EGFLAM: variants seen among roughly 807,000 people sequenced by gnomAD.
EGFLAM encodes pikachurin.
In EGFLAM, 79 loss-of-function variants were observed where a neutral mutation model predicts 113.1. That is an observed-to-expected ratio of 0.70 (90% CI 0.58 to 0.84). The LOEUF (loss-of-function observed/expected upper bound fraction) is 0.84. EGFLAM is among the 40% of genes least tolerant of loss of function. The pLI is 0.00. For synonymous variants in EGFLAM, 504 were observed against 487.6 expected, an observed-to-expected ratio of 1.03 and a Z score of -0.44; for missense variants, 1,265 against 1,291.6, an observed-to-expected ratio of 0.98 and a Z score of 0.32.
chr5:38,463,842 G>A lies in EGFLAM; in HGVS notation c.2886G>A (p.Lys962=). ...INGALYVGGM[K]EIALHTNRQY... is the part of the protein sequence containing the mutation. ...CTTGCTTCCTGGCAGGTGGAATGAA[G>A]GAAATTGCTCTGCACACTAACAGGC... The change falls in exon 22 of 22, where the codon AAG becomes AAA. Residue 962 remains lysine, a synonymous_variant. Coordinates refer to ENST00000322350, the MANE Select transcript of EGFLAM (RefSeq NM_152403.4). The A allele has an allele frequency of 6.2e-7, 1 of 1,613,230 alleles. No individual in the cohort carries two copies. The highest frequency in any genetic ancestry group is 8.5e-7 in the Non-Finnish European group (1 of 1,179,558).
rs1459759786 is a variant in EGFLAM at position 38,407,722 on chromosome 5, T to C, written c.1148-83T>C. 6 of 1,007,764 alleles carry C rather than the reference T, an allele frequency of 6.0e-6. No individual in the cohort carries two copies. The East Asian group carries it at 1.4e-4, about 24-fold the overall frequency. The allele number at this position is 1,007,764 out of a possible 1,614,324, so 62.4% of individuals were successfully genotyped here. A position where few individuals can be genotyped will look rare whatever the true frequency, so the allele number is the denominator to read the frequency against. On this transcript the variant is annotated intron_variant, in intron 8 of 21. Coordinates refer to ENST00000322350, the MANE Select transcript of EGFLAM (RefSeq NM_152403.4). ...TAGTGAGGGTTCTCACTTAATGATA[T>C]TCAGGCAACGTTGTATATTGATTTT...
chr5:38,344,206 C>T (rs1010009377), intron 3 of EGFLAM, among the ~76,000 whole-genome samples: 4 of 152,250 alleles, frequency 2.6e-5, no homozygotes, highest in African/African-American at 7.2e-5. Context: ...AATAGTCTTG[C>T]TGGGCACGGT....
intron 1 of EGFLAM, 31 bp downstream of exon 1, chr5:38,258,882 G>A (rs564442111): frequency 1.3e-6 from 2 of 1,591,748 alleles, no homozygotes; most frequent in Non-Finnish European, 8.6e-7. Context: ...GAGCCACCAC[G>A]CCCCGAGCGC....
intron 6 of EGFLAM, among the ~76,000 whole-genome samples, chr5:38,384,671 A>G (rs1210631752): frequency 6.6e-6 from 1 of 152,164 alleles, no homozygotes; most frequent in African/African-American, 2.4e-5. Context: ...AGAGTGGCCC[A>G]TAGGGACCTG....
intron 6 of EGFLAM, among the ~76,000 whole-genome samples, chr5:38,379,940 T>G (rs116700138): frequency 0.031 from 4,744 of 152,278 alleles, 229 homozygotes; most frequent in African/African-American, 0.11. Context: ...TCAGCAAATT[T>G]TTCTATAAAG....
At chr5:38,332,260 T>G (rs145212196) in intron 1 of EGFLAM, among the ~76,000 whole-genome samples, 2 of 152,190 alleles carry the variant, frequency 1.3e-5, no homozygotes, top group African/African-American at 4.8e-5. Flanking sequence ...TCTTGGTCCA[T>G]CTTTCTTTTT....
At chr5:38,445,456 G>C in intron 17 of EGFLAM, 1 of 1,415,774 alleles carries the variant, frequency 7.1e-7, no homozygotes, top group South Asian at 1.5e-5. Context: ...GAAGAGGTGA[G>C]GAGGCGGGTG....
At chr5:38,412,775 C>G in intron 11 of EGFLAM, 127 bp downstream of exon 11, 1 of 1,380,622 alleles carries the variant, frequency 7.2e-7, no homozygotes, top group Non-Finnish European at 9.6e-7. Flanking sequence ...TTGGTAAGGC[C>G]TATTTCTCAT....
intron 19 of EGFLAM, among the ~76,000 whole-genome samples, chr5:38,453,438 G>A (rs1742985802): frequency 6.6e-6 from 1 of 152,162 alleles, no homozygotes. Flanking sequence ...TTGAATAAAA[G>A]GCATTTTGAG....
At chr5:38,393,140 A>G (rs1240916750) in intron 6 of EGFLAM, among the ~76,000 whole-genome samples, 2 of 152,218 alleles carry the variant, frequency 1.3e-5, no homozygotes, top group Admixed American at 1.3e-4. Flanking sequence ...AAATGAAAAT[A>G]TATTGAATTT....
intron 1 of EGFLAM, among the ~76,000 whole-genome samples, chr5:38,267,917 T>C (rs1348611130): frequency 6.6e-6 from 1 of 152,198 alleles, no homozygotes; most frequent in Non-Finnish European, 1.5e-5. Flanking sequence ...TGAAAATATG[T>C]GATTAACTAG....
At chr5:38,369,063 T>C (rs1740140253) in intron 5 of EGFLAM, among the ~76,000 whole-genome samples, 2 of 152,188 alleles carry the variant, frequency 1.3e-5, no homozygotes, top group Admixed American at 1.3e-4. Context: ...TTTTATCTTG[T>C]AGTTCTTATT....
At chr5:38,402,568 C>A (rs1741149778) in intron 6 of EGFLAM, among the ~76,000 whole-genome samples, 1 of 152,180 alleles carries the variant, frequency 6.6e-6, no homozygotes, top group South Asian at 2.1e-4. Flanking sequence ...ACCAGACAGA[C>A]CTTGGATTTG....
chr5:38,357,718 C>G (rs1030173683), intron 5 of EGFLAM, among the ~76,000 whole-genome samples: 4 of 152,144 alleles, frequency 2.6e-5, no homozygotes, highest in Admixed American at 2.6e-4. Context: ...ATGTGAAGTT[C>G]TTGTCTACAT....
chr5:38,385,869 C>G (rs1003404551), intron 6 of EGFLAM, among the ~76,000 whole-genome samples: 1 of 152,160 alleles, frequency 6.6e-6, no homozygotes, highest in Admixed American at 6.5e-5. Flanking sequence ...CCTTGTTGTG[C>G]GAACATCCTA....
intron 11 of EGFLAM, among the ~76,000 whole-genome samples, chr5:38,413,606 G>A (rs1214766649): frequency 6.6e-6 from 1 of 152,172 alleles, no homozygotes; most frequent in Non-Finnish European, 1.5e-5. Flanking sequence ...TTAGCAGCCT[G>A]CCAGGGAACT....
intron 20 of EGFLAM, 34 bp from the exon 21 acceptor site, chr5:38,462,874 G>C: frequency 2.5e-6 from 4 of 1,609,606 alleles, no homozygotes; most frequent in Non-Finnish European, 3.4e-6. Context: ...AAAATGCCAG[G>C]CTTTTTGTTC....
chr5:38,319,733 G>T (rs1738692336), intron 1 of EGFLAM, among the ~76,000 whole-genome samples: 1 of 152,224 alleles, frequency 6.6e-6, no homozygotes, highest in African/African-American at 2.4e-5. Flanking sequence ...GAAGTATCCA[G>T]TTAGATATGC....
intron 18 of EGFLAM, among the ~76,000 whole-genome samples, chr5:38,451,004 AC>A (rs372395644): frequency 6.6e-5 from 10 of 152,306 alleles, no homozygotes; most frequent in African/African-American, 2.4e-4. Context: ...GAGTAGTAAA[AC>A]AGGAAAGAGA....
Sources: gnomAD v4.1 joint callset for allele counts (sites outside exome capture counted in the v4.1 genomes callset) on GRCh38, gnomAD v4.1.1 for gene constraint, MANE v1.5 for transcripts, NCBI Gene and HGNC (gene_info 2026-07-23, HGNC 2026-07-21) for gene names.